Variants in CDKL4 observed in about 807,000 individuals in gnomAD.
CDKL4 encodes the protein cyclin-dependent kinase-like 4.
CDKL4 carries 44 observed loss-of-function variants against 42.0 expected under a neutral mutation model. The observed-to-expected ratio is 1.05, with a 90% CI of 0.82 to 1.35. The LOEUF (loss-of-function observed/expected upper bound fraction) is 1.35, where lower values mean the gene tolerates loss of function less well. Among genes scored for constraint, CDKL4 ranks in the 40% most tolerant of loss-of-function variants. The probability of loss-of-function intolerance (pLI) is 0.00; values close to 1 mark genes in which losing one functional copy is unlikely to be tolerated. For synonymous variants in CDKL4, 120 were observed against 121.6 expected (o/e 0.99, Z 0.09); for missense variants, 393 against 369.9 (o/e 1.06, Z -0.51).
intron 1 of CDKL4, among the ~76,000 whole-genome samples, chr2:39,241,481 ATCCTTTC>A (rs5830561): frequency 0.73 from 110,611 of 151,524 alleles, 45,065 homozygotes; most frequent in Non-Finnish European, 0.91. Context: ...ATGAGATATC[ATCCTTTC>A]TCAGAAATGT....
chr2:39,168,996 C>T, the CDKL4 span, among the ~76,000 whole-genome samples: 1 of 152,076 alleles, frequency 6.6e-6, no homozygotes, highest in African/African-American at 2.4e-5. Flanking sequence ...ACCTCGTGAT[C>T]CGCCTGCCTT....
chr2:39,197,295 A>T (rs997379505), intron 5 of CDKL4, among the ~76,000 whole-genome samples: 15 of 152,200 alleles, frequency 9.9e-5, no homozygotes, highest in Non-Finnish European at 1.0e-4. Flanking sequence ...AAAAAGAATT[A>T]AAAAAATGAA....
At chr2:39,193,369 A>T in intron 5 of CDKL4, among the ~76,000 whole-genome samples, 1 of 149,190 alleles carries the variant, frequency 6.7e-6, no homozygotes, top group East Asian at 2.0e-4. Context: ...TATTATTATT[A>T]TTATTATTAT....
At chr2:39,186,136 G>A (rs547968477) in intron 7 of CDKL4, among the ~76,000 whole-genome samples, 1 of 152,256 alleles carries the variant, frequency 6.6e-6, no homozygotes, top group South Asian at 2.1e-4. Flanking sequence ...TTAAACACAC[G>A]TTATATAAAT....
chr2:39,205,942 G>T (rs953748577), intron 4 of CDKL4, among the ~76,000 whole-genome samples: 15 of 152,084 alleles, frequency 9.9e-5, no homozygotes, highest in Non-Finnish European at 2.1e-4. Context: ...CCTCACCGGA[G>T]CTAACCTGGA....
chr2:39,216,607 T>C (rs1255809308), intron 3 of CDKL4, among the ~76,000 whole-genome samples: 2 of 152,122 alleles, frequency 1.3e-5, no homozygotes, highest in African/African-American at 4.8e-5. Flanking sequence ...ACTTAGATTA[T>C]GGTGGCAGCA....
chr2:39,179,254 T>A (rs760354079), exon 9 of CDKL4: 1 of 1,613,682 alleles, frequency 6.2e-7, no homozygotes, highest in South Asian at 1.1e-5. Flanking sequence ...TTGAAAAGAA[T>A]CAAAGTAGGA....
chr2:39,183,789 TG>T (rs1675572698), intron 8 of CDKL4, among the ~76,000 whole-genome samples: 1 of 152,042 alleles, frequency 6.6e-6, no homozygotes, highest in Non-Finnish European at 1.5e-5. Flanking sequence ...AGCAATGGTA[TG>T]GGGAGTCTGA....
chr2:39,175,138 T>C (rs1372870942), downstream of CDKL4, among the ~76,000 whole-genome samples: 1 of 152,162 alleles, frequency 6.6e-6, no homozygotes, highest in African/African-American at 2.4e-5. Context: ...CCCTCACTAG[T>C]TTTGGGCTGT....
intron 4 of CDKL4, among the ~76,000 whole-genome samples, chr2:39,210,128 T>C (rs180803070): frequency 2.0e-4 from 30 of 152,188 alleles, no homozygotes; most frequent in Admixed American, 7.2e-4. Flanking sequence ...GTAGCTGGGA[T>C]TACAGGCATG....
chr2:39,183,288 A>G (rs1282005710), intron 8 of CDKL4, among the ~76,000 whole-genome samples: 13 of 151,854 alleles, frequency 8.6e-5, no homozygotes, highest in Non-Finnish European at 1.6e-4. Flanking sequence ...AAATGTCTCA[A>G]TTGCAAAGAA....
intron 9 of CDKL4, among the ~76,000 whole-genome samples, chr2:39,178,132 G>C (rs897691423): frequency 7.9e-5 from 12 of 152,140 alleles, no homozygotes; most frequent in African/African-American, 2.9e-4. Context: ...ATAGCAAAAG[G>C]TAAAATGGCC....
chr2:39,175,444 G>T (rs1209782578), downstream of CDKL4, among the ~76,000 whole-genome samples: 1 of 152,182 alleles, frequency 6.6e-6, no homozygotes, highest in African/African-American at 2.4e-5. Flanking sequence ...GACAGACAAA[G>T]GAGAGCCTGC....
chr2:39,179,782 C>T (rs907619931), intron 8 of CDKL4, among the ~76,000 whole-genome samples: 1 of 152,046 alleles, frequency 6.6e-6, no homozygotes, highest in African/African-American at 2.4e-5. Flanking sequence ...ATTCCGATGC[C>T]CATATGCTCA....
chr2:39,231,914 CTCTAA>C (rs1679110060), intron 1 of CDKL4, among the ~76,000 whole-genome samples: 1 of 152,048 alleles, frequency 6.6e-6, no homozygotes, highest in Non-Finnish European at 1.5e-5. Flanking sequence ...GAGACCCTGT[CTCTAA>C]AATAAAATGA....
chr2:39,204,694 A>G (rs1677059300), intron 4 of CDKL4, 77 bp from the exon 5 acceptor site: 8 of 743,356 alleles, frequency 1.1e-5, no homozygotes, highest in Admixed American at 2.6e-5. Flanking sequence ...AGTTTAAATA[A>G]CAGATACACA....
chr2:39,198,282 A>G (rs181780956), intron 5 of CDKL4, among the ~76,000 whole-genome samples: 1 of 151,124 alleles, frequency 6.6e-6, no homozygotes, highest in Non-Finnish European at 1.5e-5. Context: ...AACTAGTCCA[A>G]CAGGTAAATA....
At chr2:39,204,612 A>G (rs1228699979) in exon 5 of CDKL4, 5 of 1,440,756 alleles carry the variant, frequency 3.5e-6, no homozygotes, top group Non-Finnish European at 4.9e-6. Context: ...TATCTCTGTG[A>G]ATACACTGTA....
the CDKL4 span, among the ~76,000 whole-genome samples, chr2:39,168,209 CAT>C: frequency 0.013 from 2,018 of 152,188 alleles, 29 homozygotes; most frequent in African/African-American, 0.046. Flanking sequence ...TGTTAACTAA[CAT>C]ATAGCTACGA....
Sources: gnomAD v4.1 joint callset for allele counts (sites outside exome capture counted in the v4.1 genomes callset) on GRCh38, gnomAD v4.1.1 for gene constraint, MANE v1.5 for transcripts, NCBI Gene and HGNC (gene_info 2026-07-23, HGNC 2026-07-21) for gene names.